The following CNTNAP5 variants were observed in gnomAD, a reference collection of about 807,000 sequenced individuals.
CNTNAP5 encodes the protein contactin-associated protein-like 5.
Under a neutral mutation model 150.2 loss-of-function variants are expected in CNTNAP5, and 72 were observed. The observed-to-expected ratio is 0.48, with a 90% CI of 0.40 to 0.58. The LOEUF (loss-of-function observed/expected upper bound fraction) is 0.58, where lower values mean the gene tolerates loss of function less well. CNTNAP5 is among the 20% of genes least tolerant of loss of function. The pLI, the probability that CNTNAP5 is intolerant of heterozygous loss-of-function variation, is 0.00. For missense variants in CNTNAP5, 1,636 were observed against 1,626.2 expected (o/e 1.01, Z -0.10); for synonymous variants, 672 against 619.8 (o/e 1.08, Z -1.25).
intron 3 of CNTNAP5, among the ~76,000 whole-genome samples, chr2:124,254,167 A>C (rs1687251844): frequency 6.6e-6 from 1 of 152,184 alleles, no homozygotes. Flanking sequence ...AAAAGTACTC[A>C]AGTTAGAAAT....
chr2:124,682,104 G>C (rs1679081865), intron 13 of CNTNAP5, among the ~76,000 whole-genome samples: 1 of 152,190 alleles, frequency 6.6e-6, no homozygotes, highest in African/African-American at 2.4e-5. Flanking sequence ...TCATAGGTGA[G>C]TGATTGGTGC....
intron 19 of CNTNAP5, among the ~76,000 whole-genome samples, chr2:124,813,523 G>A (rs1285167515): frequency 6.8e-6 from 1 of 147,208 alleles, no homozygotes; most frequent in African/African-American, 2.5e-5. Flanking sequence ...AGATCTATTT[G>A]GCCTTAAAAG....
intron 13 of CNTNAP5, among the ~76,000 whole-genome samples, chr2:124,688,357 A>G (rs969246321): frequency 6.6e-6 from 1 of 152,084 alleles, no homozygotes; most frequent in Non-Finnish European, 1.5e-5. Flanking sequence ...AAACATTGCT[A>G]TCTATGAGAT....
intron 19 of CNTNAP5, among the ~76,000 whole-genome samples, chr2:124,852,781 C>A (rs1021749722): frequency 6.6e-6 from 1 of 152,106 alleles, no homozygotes; most frequent in African/African-American, 2.4e-5. Flanking sequence ...GAAAGAAGTG[C>A]AAAGATGCAC....
At chr2:124,409,896 A>G (rs1467195845) in intron 3 of CNTNAP5, among the ~76,000 whole-genome samples, 3 of 151,482 alleles carry the variant, frequency 2.0e-5, no homozygotes, top group Admixed American at 6.6e-5. Flanking sequence ...TTAAATGTAA[A>G]TGGACTAAAT....
chr2:124,479,879 A>G (rs1400902375), intron 7 of CNTNAP5, among the ~76,000 whole-genome samples: 1 of 152,132 alleles, frequency 6.6e-6, no homozygotes, highest in Non-Finnish European at 1.5e-5. Context: ...TCATACATAA[A>G]ATGAGGGCAA....
chr2:124,745,365 G>T (rs1680583323), intron 13 of CNTNAP5, among the ~76,000 whole-genome samples: 1 of 152,128 alleles, frequency 6.6e-6, no homozygotes, highest in Non-Finnish European at 1.5e-5. Flanking sequence ...GAGTTTGAGA[G>T]ATTTCTTTCC....
At chr2:124,463,730 A>C (rs1401683092) in intron 6 of CNTNAP5, among the ~76,000 whole-genome samples, 1 of 152,224 alleles carries the variant, frequency 6.6e-6, no homozygotes, top group Non-Finnish European at 1.5e-5. Flanking sequence ...GCAATGTTTC[A>C]GGCAAATGAG....
At chr2:124,510,518 T>TACACAC (rs1553474715) in intron 8 of CNTNAP5, among the ~76,000 whole-genome samples, 9 of 124,918 alleles carry the variant, frequency 7.2e-5, no homozygotes, top group African/African-American at 2.6e-4. Flanking sequence ...TATATATATA[T>TACACAC]ACATATATCT....
At chr2:124,609,762 C>G (rs751613670) in intron 11 of CNTNAP5, 39 bp from the exon 12 acceptor site, 1 of 1,603,992 alleles carries the variant, frequency 6.2e-7, no homozygotes, top group Non-Finnish European at 8.5e-7. Flanking sequence ...ATATGCAGAG[C>G]CAAGCAAAGT....
intron 12 of CNTNAP5, among the ~76,000 whole-genome samples, chr2:124,642,769 G>A (rs952678861): frequency 6.6e-6 from 1 of 151,984 alleles, no homozygotes; most frequent in Non-Finnish European, 1.5e-5. Flanking sequence ...ATGTACTCTG[G>A]TGGATAGCAG....
At chr2:124,904,207 C>T (rs541638383) in intron 22 of CNTNAP5, among the ~76,000 whole-genome samples, 1 of 152,180 alleles carries the variant, frequency 6.6e-6, no homozygotes, top group South Asian at 2.1e-4. Flanking sequence ...TTAGATTCCA[C>T]ATATAAGTTA....
At chr2:124,471,872 CT>C (rs1242161565) in intron 6 of CNTNAP5, among the ~76,000 whole-genome samples, 1 of 151,684 alleles carries the variant, frequency 6.6e-6, no homozygotes, top group African/African-American at 2.4e-5. Flanking sequence ...GTATTTGGAC[CT>C]TTTCTTAATG....
rs200338290 is a variant in CNTNAP5, at chr2:124,148,875, TAC to T, written c.83-72820_83-72819del. ...CTATAGAGAGAGAGGTGTATATATA[TAC>T]ACACACACATATATGTATGTATATA... On this transcript the variant is annotated intron_variant, in intron 1 of 23. Transcript: ENST00000682447. 5.4e-3 allele frequency among the ~76,000 whole-genome samples: 815 copies of T among 151,706 alleles called. 4 individuals are homozygous for T. The highest frequency in any genetic ancestry group is 0.017 in the African/African-American group (688 of 41,362).
chr2:124,344,547 A>T (rs1689694247), intron 3 of CNTNAP5, among the ~76,000 whole-genome samples: 1 of 152,048 alleles, frequency 6.6e-6, no homozygotes, highest in Non-Finnish European at 1.5e-5. Flanking sequence ...AGGCAGGAGG[A>T]TCAGTTCAGG....
At chr2:124,105,653 G>A (rs1453564066) in intron 1 of CNTNAP5, among the ~76,000 whole-genome samples, 3 of 151,888 alleles carry the variant, frequency 2.0e-5, no homozygotes, top group Non-Finnish European at 4.4e-5. Flanking sequence ...TAGATATTAT[G>A]CATATTTTTG....
chr2:124,486,721 T>A (rs1364690338), intron 7 of CNTNAP5, among the ~76,000 whole-genome samples: 1 of 152,194 alleles, frequency 6.6e-6, no homozygotes, highest in African/African-American at 2.4e-5. Context: ...ACCACAAGTA[T>A]AGGCCTAGGC....
At position 124,368,939 on chromosome 2, in the gene CNTNAP5, C is replaced by T. The variant is rs953650981; in HGVS notation, c.382-48504C>T. On this transcript the variant is annotated intron_variant, in intron 3 of 23. Coordinates refer to ENST00000682447, the MANE Select transcript of CNTNAP5 (RefSeq NM_001367498.1). ...GTTGGAAGAGAAATCTACTGAATAC[C>T]CATTTTATCTTTTACAATGTTTAGC... Among the ~76,000 whole-genome samples, 4 of 152,036 alleles carry T rather than the reference C, an allele frequency of 2.6e-5. No homozygotes were observed. In the East Asian group the frequency reaches 7.7e-4, roughly 29 times the overall value.
chr2:124,656,675 T>C (rs1313974168), intron 13 of CNTNAP5, among the ~76,000 whole-genome samples: 3 of 152,228 alleles, frequency 2.0e-5, no homozygotes, highest in African/African-American at 7.2e-5. Context: ...ATTGAGTTGC[T>C]GTTCAGACCA....
Sources: allele counts gnomAD v4.1 joint callset (sites outside exome capture counted in the v4.1 genomes callset), GRCh38; gene constraint gnomAD v4.1.1; transcripts MANE v1.5; gene names NCBI Gene and HGNC (gene_info 2026-07-23, HGNC 2026-07-21).